The following RALGPS2 variants were observed in gnomAD, a reference collection of about 807,000 sequenced individuals.
RALGPS2 encodes the protein ras-specific guanine nucleotide-releasing factor RalGPS2.
In RALGPS2, 43 loss-of-function variants were observed where a neutral mutation model predicts 86.8. That is an observed-to-expected ratio of 0.50 (90% CI 0.39 to 0.64). The LOEUF is 0.64. Ranked by LOEUF, RALGPS2 falls within the 30% of genes least tolerant of loss-of-function variation. RALGPS2 has a pLI of 0.00. For synonymous variants in RALGPS2, 243 were observed against 231.3 expected, an observed-to-expected ratio of 1.05 and a Z score of -0.46; for missense variants, 536 against 694.6, an observed-to-expected ratio of 0.77 and a Z score of 2.57.
chr1:178,881,454 T>A lies in RALGPS2; in HGVS notation c.837-2012T>A, dbSNP rs182694510. Among the ~76,000 whole-genome samples the A allele has an allele frequency of 1.3e-3, 194 of 152,222 alleles. 2 individuals carry two copies. Among genetic ancestry groups the A allele is most frequent in the African/African-American group, 4.3e-3 (178 of 41,522 alleles). On this transcript the variant is annotated intron_variant, in intron 10 of 19. Coordinates refer to ENST00000367635, the MANE Select transcript of RALGPS2 (RefSeq NM_152663.5). ...CATACGGCACTAGAGAAGACATTGT[T>A]TTTCTTTTTCTTGGAGACGGAATCT...
At chr1:178,840,264 C>T (rs1656525356) in intron 8 of RALGPS2, among the ~76,000 whole-genome samples, 1 of 152,206 alleles carries the variant, frequency 6.6e-6, no homozygotes, top group East Asian at 1.9e-4. Context: ...AAGCACTCCT[C>T]AGCAAATGTA....
chr1:178,815,034 G>C (rs576914551), intron 6 of RALGPS2, among the ~76,000 whole-genome samples: 1 of 151,888 alleles, frequency 6.6e-6, no homozygotes, highest in African/African-American at 2.4e-5. Context: ...TTCTGTTTTG[G>C]TATTGGTCTT....
chr1:178,803,247 T>C (rs1029772502), intron 4 of RALGPS2, among the ~76,000 whole-genome samples: 1 of 152,184 alleles, frequency 6.6e-6, no homozygotes, highest in East Asian at 1.9e-4. Context: ...TTTGTAATTA[T>C]AGCATTACTT....
chr1:178,839,055 CAG>C (rs1010204827), intron 8 of RALGPS2, among the ~76,000 whole-genome samples: 30 of 152,256 alleles, frequency 2.0e-4, no homozygotes, highest in African/African-American at 7.0e-4. Flanking sequence ...CCGAAAGTGA[CAG>C]GGAGAATGGA....
chr1:178,833,296 A>G lies in RALGPS2; in HGVS notation c.481-128A>G, dbSNP rs547421104. 2.6e-5 allele frequency: 23 copies of G among 871,830 alleles called. 1 individual carries two copies. The South Asian group carries it at 7.6e-4, about 29-fold the overall frequency. 54.0% of individuals were successfully genotyped at this position (871,830 alleles called of 1,614,324 possible). A position where few individuals can be genotyped will look rare whatever the true frequency, so the allele number is the denominator to read the frequency against. On this transcript the variant is annotated intron_variant, in intron 7 of 19. Transcript: ENST00000367635. The stretch of plus-strand genomic sequence containing the variant: ...TTTGTCTTATTTATATACTACCAAG[A>G]TATAATTAAAGAAGATATAACTTTG...
chr1:178,881,311 G>A (rs1317233489), intron 10 of RALGPS2, among the ~76,000 whole-genome samples: 1 of 152,166 alleles, frequency 6.6e-6, no homozygotes, highest in Non-Finnish European at 1.5e-5. Flanking sequence ...GTGAGTGGGA[G>A]TTAGTCTCAC....
At chr1:178,829,445 G>T (rs1655909292) in intron 7 of RALGPS2, among the ~76,000 whole-genome samples, 1 of 152,194 alleles carries the variant, frequency 6.6e-6, no homozygotes, top group Non-Finnish European at 1.5e-5. Flanking sequence ...ATTCTCATAG[G>T]TACATGAACC....
intron 8 of RALGPS2, among the ~76,000 whole-genome samples, chr1:178,846,926 A>G (rs1211136112): frequency 6.6e-6 from 1 of 152,216 alleles, no homozygotes; most frequent in Non-Finnish European, 1.5e-5. Context: ...CAGCAGTTTT[A>G]TAAGGTAAAT....
At chr1:178,784,553 T>C (rs1486655070) in intron 3 of RALGPS2, 31 bp downstream of exon 3, 1 of 1,497,432 alleles carries the variant, frequency 6.7e-7, no homozygotes, top group Admixed American at 1.8e-5. Context: ...TTCTCCGGTT[T>C]TGCACATAAT....
chr1:178,768,776 G>T (rs1253460588), intron 1 of RALGPS2, among the ~76,000 whole-genome samples: 2 of 152,208 alleles, frequency 1.3e-5, no homozygotes, highest in African/African-American at 4.8e-5. Flanking sequence ...TCCAGTGGGT[G>T]GCCACCAGAC....
rs546979421 is a variant in RALGPS2 at position 178,912,814 on chromosome 1, A to G, written c.1723-3516A>G. On this transcript the variant is annotated intron_variant, in intron 19 of 19. Coordinates refer to ENST00000367635, the MANE Select transcript of RALGPS2 (RefSeq NM_152663.5). ...TGTCTCCTTTTCTTGCAGTAACACC[A>G]GTGAGTCATAGGTTTAGTCTCTTTA... Among the ~76,000 whole-genome samples, 56 of 152,300 alleles carry G rather than the reference A, an allele frequency of 3.7e-4. No individual in the cohort carries two copies. In the East Asian group the frequency reaches 0.01, roughly 28 times the overall value.
At chr1:178,909,648 T>TA (rs1660536553) in intron 19 of RALGPS2, among the ~76,000 whole-genome samples, 1 of 136,302 alleles carries the variant, frequency 7.3e-6, no homozygotes, top group Middle Eastern at 3.6e-3. Context: ...TTTTAATTTT[T>TA]TTTTTTTTTT....
intron 2 of RALGPS2, among the ~76,000 whole-genome samples, chr1:178,778,797 A>G (rs1276713461): frequency 2.0e-5 from 3 of 151,746 alleles, no homozygotes; most frequent in African/African-American, 7.3e-5. Context: ...CGCAAGAACA[A>G]AAAACCAAAC....
At chr1:178,791,362 C>G (rs1010525082) in intron 4 of RALGPS2, among the ~76,000 whole-genome samples, 6 of 150,488 alleles carry the variant, frequency 4.0e-5, no homozygotes, top group Non-Finnish European at 2.9e-5. Flanking sequence ...TGCCTGGGCT[C>G]AAGCGATCCC....
In RALGPS2 at chr1:178,851,278, T is replaced by C. The variant is rs764902710; in HGVS notation, c.607+17728T>C. Reference sequence around the variant, plus strand: ...TTTAGGTTAGAATGTGCACAGGCATTGTACCACCAGCCTCCTTTATGAAAG... The same window carrying C: ...TTTAGGTTAGAATGTGCACAGGCATCGTACCACCAGCCTCCTTTATGAAAG... On this transcript the variant is annotated intron_variant, in intron 8 of 19. Coordinates refer to ENST00000367635, the MANE Select transcript of RALGPS2 (RefSeq NM_152663.5). 4.3e-6 allele frequency: 7 copies of C among 1,613,110 alleles called. No homozygotes were observed. The East Asian group carries it at 1.3e-4, about 31-fold the overall frequency.
chr1:178,820,203 C>A (rs1044972535), intron 6 of RALGPS2, among the ~76,000 whole-genome samples: 32 of 152,110 alleles, frequency 2.1e-4, no homozygotes, highest in African/African-American at 7.5e-4. Flanking sequence ...ACCACACTAC[C>A]AAATAAACAA....
Position 178,784,462 on chromosome 1 carries a change from G to A in RALGPS2, c.102G>A (p.Leu34=), listed in dbSNP as rs1429857063. 8 of 1,607,100 alleles carry A rather than the reference G, an allele frequency of 5.0e-6. No individual in the cohort carries two copies. Among genetic ancestry groups the A allele is most frequent in the Non-Finnish European group, 6.8e-6 (8 of 1,175,442 alleles). The change falls in exon 3 of 20, where the codon TTG becomes TTA. Residue 34 remains leucine (L), a synonymous_variant. Transcript: ENST00000367635. ...CCTTAAGTGACAAAGGCTCTGAATT[G>A]AAGAAAAGCTTTGATGCTGTGGTAT... ...SESLSDKGSE[L]KKSFDAVVFD...
intron 1 of RALGPS2, among the ~76,000 whole-genome samples, chr1:178,731,949 C>G (rs1650390674): frequency 6.6e-6 from 1 of 152,026 alleles, no homozygotes; most frequent in South Asian, 2.1e-4. Context: ...TTGCTGACAC[C>G]TGATCTTATA....
intron 19 of RALGPS2, among the ~76,000 whole-genome samples, chr1:178,915,465 C>T (rs1345474325): frequency 3.3e-5 from 5 of 152,174 alleles, no homozygotes; most frequent in African/African-American, 9.7e-5. Context: ...AAACTCCTGA[C>T]CTCAGGTGAT....
Sources: gnomAD v4.1 joint callset for allele counts (sites outside exome capture counted in the v4.1 genomes callset) on GRCh38, gnomAD v4.1.1 for gene constraint, MANE v1.5 for transcripts, NCBI Gene and HGNC (gene_info 2026-07-23, HGNC 2026-07-21) for gene names.